AGO4: variants seen among roughly 807,000 people sequenced by gnomAD.
The protein encoded by AGO4 is argonaute RISC component 4.
A neutral mutation model predicts 104.7 loss-of-function variants in AGO4; 33 were observed. The ratio of observed to expected loss-of-function variants is 0.32; its 90% confidence interval spans 0.24 to 0.42. AGO4 has a LOEUF of 0.42. Among genes scored for constraint, AGO4 ranks in the 10% least tolerant of loss-of-function variants. The probability of loss-of-function intolerance (pLI) is 1.00; values close to 1 mark genes in which losing one functional copy is unlikely to be tolerated. For missense variants in AGO4, 711 were observed against 1,083.4 expected (o/e 0.66, Z 4.83); for synonymous variants, 331 against 364.7 (o/e 0.91, Z 1.05).
intron 1 of AGO4, among the ~76,000 whole-genome samples, chr1:35,810,501 A>G (rs1191469389): frequency 6.6e-6 from 1 of 152,144 alleles, no homozygotes; most frequent in Admixed American, 6.6e-5. Flanking sequence ...AAATATAATT[A>G]ATTAGATTTC....
chr1:35,850,793 AAAAAAACAAAAAC>A (rs1557583515), intron 16 of AGO4, 48 bp from the exon 17 acceptor site: 2 of 1,075,952 alleles, frequency 1.9e-6, no homozygotes, highest in African/African-American at 2.2e-5. Context: ...AAAAAAAAAA[AAAAAAACAAAAAC>A]AAAAAACGAA....
At chr1:35,843,073 T>C (rs1015211385) in intron 15 of AGO4, among the ~76,000 whole-genome samples, 3 of 152,116 alleles carry the variant, frequency 2.0e-5, no homozygotes, top group Non-Finnish European at 4.4e-5. Flanking sequence ...TTCTTTTTTC[T>C]CTTTTTTTGA....
chr1:35,834,215 C>A, intron 12 of AGO4, 41 bp downstream of exon 12: 1 of 1,461,622 alleles, frequency 6.8e-7, no homozygotes, highest in Non-Finnish European at 9.1e-7. Flanking sequence ...TGATTTCAAG[C>A]AGTAGATATA....
intron 15 of AGO4, among the ~76,000 whole-genome samples, chr1:35,845,113 CTTTTTTTT>C (rs56716362): frequency 2.5e-5 from 1 of 39,396 alleles, no homozygotes; most frequent in African/African-American, 1.1e-4. Context: ...TGTAATCAGA[CTTTTTTTT>C]TTTTTTTTTT....
chr1:35,814,127 A>G lies in AGO4; in HGVS notation c.20-2755A>G, dbSNP rs138460041. Among the ~76,000 whole-genome samples, 62 of 151,078 alleles carry G rather than the reference A, an allele frequency of 4.1e-4. No individual in the cohort carries two copies. The East Asian group carries it at 0.012, about 29-fold the overall frequency. ...AGAAGAGAGAGAGAAAAAAGGAAGG[A>G]AGGAAGGAAAGAAGGAAGGACAGAA... On this transcript the variant is annotated intron_variant, in intron 1 of 17. Transcript: ENST00000373210.
At chr1:35,818,953 T>G (rs1643820310) in intron 2 of AGO4, among the ~76,000 whole-genome samples, 1 of 152,138 alleles carries the variant, frequency 6.6e-6, no homozygotes, top group Non-Finnish European at 1.5e-5. Flanking sequence ...AATTAGACCC[T>G]AGCAGGTAAG....
At chr1:35,816,596 C>T (rs980038959) in intron 1 of AGO4, among the ~76,000 whole-genome samples, 2 of 151,880 alleles carry the variant, frequency 1.3e-5, no homozygotes, top group African/African-American at 4.8e-5. Flanking sequence ...GTCAGGAGTT[C>T]TAGACCAGCC....
intron 2 of AGO4, among the ~76,000 whole-genome samples, chr1:35,818,749 G>A (rs182274045): frequency 6.6e-6 from 1 of 152,032 alleles, no homozygotes; most frequent in Non-Finnish European, 1.5e-5. Context: ...GTGAGTGAGT[G>A]GGGGAGAGTG....
chr1:35,837,415 G>C (rs1371783474), intron 13 of AGO4, among the ~76,000 whole-genome samples: 1 of 151,340 alleles, frequency 6.6e-6, no homozygotes, highest in Non-Finnish European at 1.5e-5. Context: ...GTCTCACTCT[G>C]TCTTCCAGGC....
In AGO4 at chr1:35,825,326, T is replaced by C; in HGVS notation, c.320T>C (p.Val107Ala). Residue 107 changes from valine to alanine, a missense_variant, in exon 4 of 18, where the codon GTG (valine) becomes GCG (alanine). Val to Ala is a moderately conservative substitution (Grantham distance 64, BLOSUM62 0). This residue lies in a region of AGO4 where 308 missense variants were observed against 397.8 expected (regional missense o/e 0.77). Coordinates refer to ENST00000373210, the MANE Select transcript of AGO4 (RefSeq NM_017629.4). ...TTTTTTCCTTAGGTTGATATGGAGG[T>C]GACTCTTCCAGGCGAGGGTAAAGAC... The part of the protein sequence containing the change: ...PIGRDRVDME[V>A]TLPGEGKDQT... 1 of 1,613,872 alleles carries C rather than the reference T, an allele frequency of 6.2e-7. No homozygotes were observed. The highest frequency in any genetic ancestry group is 8.5e-7 in the Non-Finnish European group (1 of 1,179,900).
In AGO4 at chr1:35,825,666, CTT is replaced by C; in HGVS notation, c.489-12_489-11del. The C allele has an allele frequency of 6.5e-7, 1 of 1,534,346 alleles. No homozygotes were observed. The highest frequency in any genetic ancestry group is 8.7e-7 in the Non-Finnish European group (1 of 1,144,798). On this transcript the variant is annotated splice_polypyrimidine_tract_variant and intron_variant, in intron 4 of 17. Transcript: ENST00000373210. ...ATGTTTAATGTGACACATGCAAACTCTTATTTCTTCAGGTACACCCCAGTGGG... is the reference window on the plus strand; with the variant it reads ...ATGTTTAATGTGACACATGCAAACTCATTTCTTCAGGTACACCCCAGTGGG...
intron 15 of AGO4, among the ~76,000 whole-genome samples, chr1:35,842,881 AATAG>A (rs1356154232): frequency 2.0e-5 from 3 of 152,136 alleles, no homozygotes; most frequent in African/African-American, 7.2e-5. Flanking sequence ...CTATATTATT[AATAG>A]ATAATCTTGC....
intron 1 of AGO4, among the ~76,000 whole-genome samples, chr1:35,811,150 C>A (rs545334956): frequency 5.7e-4 from 85 of 149,234 alleles, no homozygotes; most frequent in Admixed American, 4.6e-3. Flanking sequence ...AACAAAACAA[C>A]AAAAAAAAAC....
In AGO4 at chr1:35,833,899, A is replaced by T. The variant is rs954533660; in HGVS notation, c.1380-91A>T. ...TGTTTCTAAATTTGGCTAAGAATTT[A>T]CAAAACTGAAGGAAGTATTTCAGAG... On this transcript the variant is annotated intron_variant, in intron 11 of 17. Coordinates refer to ENST00000373210, the MANE Select transcript of AGO4 (RefSeq NM_017629.4). 3.9e-5 allele frequency: 46 copies of T among 1,167,476 alleles called. No individual in the cohort carries two copies. In the African/African-American group the frequency reaches 6.1e-4, roughly 16 times the overall value. 72.3% of individuals were successfully genotyped at this position (1,167,476 alleles called of 1,614,324 possible).
intron 13 of AGO4, among the ~76,000 whole-genome samples, chr1:35,837,685 ATCT>A (rs1179606561): frequency 2.7e-5 from 4 of 150,888 alleles, no homozygotes; most frequent in Non-Finnish European, 4.4e-5. Context: ...TAGCCTAAAC[ATCT>A]TCTTTTATAA....
At position 35,808,571 on chromosome 1, in the gene AGO4, C is replaced by T. The variant is rs1032760185; in HGVS notation, c.19+136C>T. On this transcript the variant is annotated intron_variant, in intron 1 of 17. Transcript: ENST00000373210. This position sits in a 1 kb window ranked among gnomAD's most constrained non-coding sequence, Gnocchi z 5.2. ...GGAAGGGGACCCGAGCCCCGCAGCA[C>T]GAAGCGGAGGGAGCTGACCCGGGCC... 3.7e-6 allele frequency: 3 copies of T among 815,716 alleles called. No individual in the cohort carries two copies. The highest frequency in any genetic ancestry group is 3.1e-6 in the Non-Finnish European group (2 of 652,396). The allele number at this position is 815,716 out of a possible 1,614,324, so 50.5% of individuals were successfully genotyped here. A position where few individuals can be genotyped will look rare whatever the true frequency, so the allele number is the denominator to read the frequency against.
Position 35,832,495 on chromosome 1 carries a change from A to T in AGO4, c.1304A>T (p.Tyr435Phe). Residue 435 changes from tyrosine (Y) to phenylalanine (F), a missense_variant, in exon 11 of 18, where the codon TAT becomes TTT. Physicochemically the swap from Tyr to Phe is conservative, Grantham distance 22 (BLOSUM62 3). Transcript: ENST00000373210. ...GVWDMRGKQFYAGIEIKVWAV... is the reference protein window; with the variant it reads ...GVWDMRGKQFFAGIEIKVWAV... ...TGGGACATGCGAGGAAAGCAGTTTT[A>T]TGCTGGCATTGAAATTAAAGTTTGG... 2.5e-6 allele frequency: 4 copies of T among 1,613,002 alleles called. No homozygotes were observed. The highest frequency in any genetic ancestry group is 3.4e-6 in the Non-Finnish European group (4 of 1,179,860).
chr1:35,817,761 C>T (rs930168236), intron 2 of AGO4, among the ~76,000 whole-genome samples: 6 of 151,926 alleles, frequency 3.9e-5, no homozygotes, highest in African/African-American at 1.2e-4. Flanking sequence ...TATTTTGTGC[C>T]GCTTGATATT....
In AGO4 at chr1:35,808,494, C is replaced by A; in HGVS notation, c.19+59C>A. The A allele has an allele frequency of 8.5e-7, 1 of 1,174,222 alleles. No individual in the cohort carries two copies. Among genetic ancestry groups the A allele is most frequent in the Non-Finnish European group, 1.1e-6 (1 of 948,800 alleles). 72.7% of individuals were successfully genotyped at this position (1,174,222 alleles called of 1,614,324 possible). A position where few individuals can be genotyped will look rare whatever the true frequency, so the allele number is the denominator to read the frequency against. On this transcript the variant is annotated intron_variant, in intron 1 of 17. Coordinates refer to ENST00000373210, the MANE Select transcript of AGO4 (RefSeq NM_017629.4). This position sits in a 1 kb window ranked among gnomAD's most constrained non-coding sequence, Gnocchi z 5.2. Reference sequence around the variant, plus strand: ...GGACCCGGGACCCGGGGCGGGCGGCCGGGACTTTCGCTGCCCCGTCGCCTC... The same window carrying A: ...GGACCCGGGACCCGGGGCGGGCGGCAGGGACTTTCGCTGCCCCGTCGCCTC...
Sources: gnomAD v4.1 joint callset for allele counts (sites outside exome capture counted in the v4.1 genomes callset) on GRCh38, gnomAD v4.1.1 for gene constraint, gnomAD v4.1.1 regional missense constraint, Gnocchi (gnomAD v3.1) non-coding constraint, MANE v1.5 for transcripts, NCBI Gene and HGNC (gene_info 2026-07-23, HGNC 2026-07-21) for gene names.